Variants in CDCA7 observed in about 807,000 individuals in gnomAD.
The protein encoded by CDCA7 is cell division cycle-associated protein 7.
CDCA7 carries 28 observed loss-of-function variants against 54.0 expected under a neutral mutation model. The observed-to-expected ratio is 0.52, with a 90% CI of 0.38 to 0.71. The LOEUF (loss-of-function observed/expected upper bound fraction) is 0.71, where lower values mean the gene tolerates loss of function less well. CDCA7 is among the 30% of genes least tolerant of loss of function. The pLI, the probability that CDCA7 is intolerant of heterozygous loss-of-function variation, is 0.00. For synonymous variants in CDCA7, 180 were observed against 208.2 expected (o/e 0.86, Z 1.16); for missense variants, 484 against 586.0 (o/e 0.83, Z 1.80).
intron 1 of CDCA7, among the ~76,000 whole-genome samples, chr2:173,357,088 G>GTAAGGAATCACTTCTGC (rs1251991745): frequency 2.6e-5 from 4 of 152,320 alleles, no homozygotes; most frequent in African/African-American, 9.6e-5. Flanking sequence ...AGTTTTCAGT[G>GTAAGGAATCACTTCTGC]TAAGGAATCA....
intron 1 of CDCA7, among the ~76,000 whole-genome samples, chr2:173,357,922 C>T (rs1175182711): frequency 2.0e-5 from 3 of 150,314 alleles, no homozygotes; most frequent in East Asian, 3.9e-4. Context: ...TGGTTTTGGC[C>T]GGGCGCGGTG....
At chr2:173,355,812 A>G (rs895885565) in intron 1 of CDCA7, among the ~76,000 whole-genome samples, 1 of 152,030 alleles carries the variant, frequency 6.6e-6, no homozygotes, top group Non-Finnish European at 1.5e-5. Context: ...GTGAAACGGA[A>G]GACAATGACA....
intron 1 of CDCA7, among the ~76,000 whole-genome samples, chr2:173,358,013 A>G (rs965905025): frequency 1.1e-4 from 16 of 152,006 alleles, no homozygotes; most frequent in African/African-American, 3.9e-4. Flanking sequence ...ATTCTGGCTA[A>G]CACGGTGAAA....
At chr2:173,364,025 C>A (rs1348719243) in intron 5 of CDCA7, 130 bp downstream of exon 5, 3 of 763,062 alleles carry the variant, frequency 3.9e-6, no homozygotes, top group East Asian at 5.3e-5. Flanking sequence ...CTAGAGGAAA[C>A]CCCCTGACAG....
intron 1 of CDCA7, among the ~76,000 whole-genome samples, chr2:173,358,207 A>AG (rs943989747): frequency 4.6e-5 from 7 of 151,732 alleles, no homozygotes; most frequent in Non-Finnish European, 8.8e-5. Context: ...CTCAAAAAAA[A>AG]AAAAAAAAAG....
At chr2:173,365,347 A>C in intron 6 of CDCA7, 105 bp from the exon 7 acceptor site, 1 of 1,274,940 alleles carries the variant, frequency 7.8e-7, no homozygotes, top group Non-Finnish European at 1.1e-6. Context: ...GGGGAGAGCC[A>C]GTTTTGAATC....
chr2:173,358,816 T>G lies in CDCA7; in HGVS notation c.126T>G (p.Ala42=), dbSNP rs759103879. 1 of 1,613,572 alleles carries G rather than the reference T, an allele frequency of 6.2e-7. No homozygotes were observed. Among genetic ancestry groups the G allele is most frequent in the Admixed American group, 1.7e-5 (1 of 59,952 alleles). ...CTGATGACAGTTGTGACAGCTTTGC[T>G]TCTGATAATTTTGCAAACACGGTAA... The part of the protein sequence containing the change: ...SSSDDSCDSF[A]SDNFANTKPK... The change falls in exon 2 of 10, where the codon GCT becomes GCG. Residue 42 remains alanine (A), a synonymous_variant. Transcript: ENST00000306721.
chr2:173,359,210 A>G (rs1423162968), intron 2 of CDCA7, 45 bp from the exon 3 acceptor site: 1 of 1,549,220 alleles, frequency 6.5e-7, no homozygotes, highest in Non-Finnish European at 8.8e-7. Context: ...TGGTTCTTGA[A>G]AAAGAAAAAA....
intron 6 of CDCA7, 147 bp from the exon 7 acceptor site, chr2:173,365,305 A>G (rs935293030): frequency 1.0e-5 from 10 of 962,816 alleles, no homozygotes; most frequent in African/African-American, 1.7e-5. Flanking sequence ...TGTGTGAAGA[A>G]ATTACAAGTC....
At chr2:173,367,605 C>T (rs778897243) in intron 9 of CDCA7, 29 bp from the exon 10 acceptor site, 1 of 1,613,366 alleles carries the variant, frequency 6.2e-7, no homozygotes, top group Non-Finnish European at 8.5e-7. Context: ...AAAACTATGT[C>T]CTGACACATT....
Position 173,359,411 on chromosome 2 carries a change from G to C in CDCA7, c.304G>C (p.Glu102Gln). Residue 102 changes from glutamate (E) to glutamine (Q), a missense_variant, in exon 3 of 10, where the codon GAA becomes CAA. Physicochemically the swap from Glu to Gln is conservative, Grantham distance 29 (BLOSUM62 2). Transcript: ENST00000306721. Reference sequence around the variant, plus strand: ...GAAACCAAGGCCAGATGTCACTAACGAACTGGCCGGTATTTTTCATGCCGA... The same window carrying C: ...GAAACCAAGGCCAGATGTCACTAACCAACTGGCCGGTATTTTTCATGCCGA... ...LQKPRPDVTNELAGIFHADSD... is the reference protein window; with the variant it reads ...LQKPRPDVTNQLAGIFHADSD... 1 of 1,614,116 alleles carries C rather than the reference G, an allele frequency of 6.2e-7. No homozygotes were observed. The highest frequency in any genetic ancestry group is 8.5e-7 in the Non-Finnish European group (1 of 1,180,034).
chr2:173,356,394 T>C (rs182104470), intron 1 of CDCA7, among the ~76,000 whole-genome samples: 387 of 152,286 alleles, frequency 2.5e-3, no homozygotes, highest in South Asian at 4.6e-3. Context: ...ATTCCTGCAG[T>C]AATGCGATGA....
chr2:173,365,370 A>G (rs2106391830), intron 6 of CDCA7, 82 bp from the exon 7 acceptor site: 1 of 1,458,842 alleles, frequency 6.9e-7, no homozygotes, highest in East Asian at 2.3e-5. Flanking sequence ...TGTGTTTCAT[A>G]TTTGAATCTG....
chr2:173,359,534 T>G, intron 3 of CDCA7, 43 bp downstream of exon 3: 2 of 1,506,748 alleles, frequency 1.3e-6, no homozygotes, highest in Non-Finnish European at 9.2e-7. Flanking sequence ...TAAGATACAT[T>G]TAGAGGCATG....
At chr2:173,365,259 A>G (rs1031596976) in intron 6 of CDCA7, among the ~76,000 whole-genome samples, 193 bp from the exon 7 acceptor site, 1 of 152,178 alleles carries the variant, frequency 6.6e-6, no homozygotes, top group African/African-American at 2.4e-5. Context: ...CTGTTCCCCT[A>G]CCATAAGCTC....
At position 173,357,168 on chromosome 2, in the gene CDCA7, G is replaced by T. The variant is rs1040432560; in HGVS notation, c.22-1544G>T. Among the ~76,000 whole-genome samples the T allele has an allele frequency of 2.6e-5, 4 of 152,266 alleles. No homozygotes were observed. The South Asian group carries it at 6.2e-4, about 24-fold the overall frequency. ...CCTAATGCAACACTTAGGAAATCTCGTTAAATATTAAGAAATGACAAACCA... is the reference window on the plus strand; with the variant it reads ...CCTAATGCAACACTTAGGAAATCTCTTTAAATATTAAGAAATGACAAACCA... On this transcript the variant is annotated intron_variant, in intron 1 of 9. Transcript: ENST00000306721.
chr2:173,367,560 A>G (rs1686747446), intron 9 of CDCA7, 74 bp from the exon 10 acceptor site: 1 of 1,565,086 alleles, frequency 6.4e-7, no homozygotes, highest in Admixed American at 1.7e-5. Context: ...GGTTTTAAAA[A>G]TGAATTAGGC....
In CDCA7 at chr2:173,364,789, G is replaced by T. The variant is rs753472878; in HGVS notation, c.700-6G>T. On this transcript the variant is annotated splice_polypyrimidine_tract_variant and splice_region_variant and intron_variant, in intron 5 of 9. Coordinates refer to ENST00000306721, the MANE Select transcript of CDCA7 (RefSeq NM_031942.5). ...AAATGGATTCCCTTATACGTGCTTT[G>T]TTTAGCAATCAAGGAGACCGCGAAG... is the stretch of plus-strand genomic sequence containing the variant. The T allele has an allele frequency of 6.9e-6, 11 of 1,593,614 alleles. No homozygotes were observed. The highest frequency in any genetic ancestry group is 7.7e-6 in the Non-Finnish European group (9 of 1,174,186).
chr2:173,363,924 T>C, intron 5 of CDCA7, 29 bp downstream of exon 5: 1 of 1,596,226 alleles, frequency 6.3e-7, no homozygotes, highest in South Asian at 1.1e-5. Flanking sequence ...TTATATACAG[T>C]AGTGTTTTGG....
Sources: allele counts gnomAD v4.1 joint callset (sites outside exome capture counted in the v4.1 genomes callset), GRCh38; gene constraint gnomAD v4.1.1; transcripts MANE v1.5; gene names NCBI Gene and HGNC (gene_info 2026-07-23, HGNC 2026-07-21).